The following CPEB3 variants were observed in gnomAD, a reference collection of about 807,000 sequenced individuals.
CPEB3 encodes the protein cytoplasmic polyadenylation element binding protein 3.
Under a neutral mutation model 67.2 loss-of-function variants are expected in CPEB3, and 20 were observed. That is an observed-to-expected ratio of 0.30 (90% CI 0.21 to 0.43). The LOEUF (loss-of-function observed/expected upper bound fraction) is 0.43. CPEB3 is among the 20% of genes least tolerant of loss of function. The probability of loss-of-function intolerance (pLI) is 1.00; values close to 1 mark genes in which losing one functional copy is unlikely to be tolerated. For synonymous variants in CPEB3, 376 were observed against 393.1 expected, an observed-to-expected ratio of 0.96 and a Z score of 0.51; for missense variants, 746 against 968.6, an observed-to-expected ratio of 0.77 and a Z score of 3.05.
intron 2 of CPEB3, among the ~76,000 whole-genome samples, chr10:92,216,992 T>C (rs995205926): frequency 1.2e-4 from 17 of 144,978 alleles, no homozygotes; most frequent in Admixed American, 4.9e-4. Context: ...CCTGTAGAAC[T>C]AAAGGCTGTT....
At chr10:92,097,190 C>T (rs918083305) in intron 7 of CPEB3, among the ~76,000 whole-genome samples, 13 of 152,138 alleles carry the variant, frequency 8.5e-5, no homozygotes, top group African/African-American at 3.1e-4. Context: ...TTCCATTTTT[C>T]AAGAGTGGCT....
chr10:92,093,725 C>T (rs959414656), intron 7 of CPEB3, among the ~76,000 whole-genome samples: 1 of 152,062 alleles, frequency 6.6e-6, no homozygotes, highest in Non-Finnish European at 1.5e-5. Flanking sequence ...TGGTCTCAAA[C>T]TCTTGACCTG....
At position 92,240,155 on chromosome 10, in the gene CPEB3, TGGGGGCCGG is replaced by T. The variant is rs1258009906; in HGVS notation, c.187_195del (p.Pro63_Pro65del). The T allele has an allele frequency of 6.4e-7, 1 of 1,556,298 alleles. No individual in the cohort carries two copies. The highest frequency in any genetic ancestry group is 8.7e-7 in the Non-Finnish European group (1 of 1,149,584). On this transcript the variant is annotated inframe_deletion, in exon 2 of 10. Transcript: ENST00000265997. ...TCCATCTGCATCTTGTCCGGGCCGT[TGGGGGCCGG>T]GGGGGCAGCGGCTGGGCTGAGGGCC...
intron 1 of CPEB3, among the ~76,000 whole-genome samples, chr10:92,265,242 C>A (rs115431127): frequency 1.2e-4 from 19 of 152,194 alleles, no homozygotes; most frequent in African/African-American, 4.6e-4. Context: ...GTTGTTGGGC[C>A]TTTTACCTTT....
chr10:92,080,035 C>T (rs1230637501), intron 9 of CPEB3, among the ~76,000 whole-genome samples: 1 of 150,406 alleles, frequency 6.6e-6, no homozygotes, highest in African/African-American at 2.4e-5. Flanking sequence ...CCCGTCTCTA[C>T]TAAAAATACA....
chr10:92,244,561 C>T (rs1355831500), intron 1 of CPEB3, among the ~76,000 whole-genome samples: 3 of 151,466 alleles, frequency 2.0e-5, no homozygotes, highest in Admixed American at 6.6e-5. Context: ...CCTCAGCCTC[C>T]CAAGTAGCTG....
intron 2 of CPEB3, among the ~76,000 whole-genome samples, chr10:92,205,441 G>C (rs888593694): frequency 1.4e-4 from 21 of 146,542 alleles, no homozygotes; most frequent in Non-Finnish European, 2.6e-4. Flanking sequence ...TTTTTTTACA[G>C]ATGAGGAAAC....
chr10:92,212,917 T>C (rs1850166334), intron 2 of CPEB3, among the ~76,000 whole-genome samples: 1 of 152,070 alleles, frequency 6.6e-6, no homozygotes, highest in Non-Finnish European at 1.5e-5. Flanking sequence ...AAAAAATAAA[T>C]AAAATTTAAA....
Position 92,289,732 on chromosome 10 carries a change from A to AAAAAAAAAAT in CPEB3, c.-12+1193_-12+1194insATTTTTTTTT. Among the ~76,000 whole-genome samples, 42 of 75,762 alleles carry AAAAAAAAAAT rather than the reference A, an allele frequency of 5.5e-4. 4 individuals carry two copies. Among genetic ancestry groups the AAAAAAAAAAT allele is most frequent in the Non-Finnish European group, 8.4e-4 (33 of 39,092 alleles). The allele number at this position is 75,762 out of a possible 152,430, so 49.7% of individuals were successfully genotyped here. A position where few individuals can be genotyped will look rare whatever the true frequency, so the allele number is the denominator to read the frequency against. ...CGCGTCTCTACCAAAAAAAAAAAAA[A>AAAAAAAAAAT]ATATATATATATATATATATATATA... On this transcript the variant is annotated intron_variant, in intron 1 of 9. Coordinates refer to ENST00000265997, the MANE Select transcript of CPEB3 (RefSeq NM_014912.5).
In CPEB3 at chr10:92,098,160, T is replaced by TAAA. The variant is rs1166249584; in HGVS notation, c.1573-6219_1573-6217dup. ...TGGGCAACAAGAGTGACACTCTGCC[T>TAAA]AAAAAAAAAAAAAAAAAAAAAAAAA... is the stretch of plus-strand genomic sequence containing the variant. On this transcript the variant is annotated intron_variant, in intron 7 of 9. Transcript: ENST00000265997. Among the ~76,000 whole-genome samples, 73 of 36,126 alleles carry TAAA rather than the reference T, an allele frequency of 2.0e-3. 11 individuals are homozygous for TAAA. The highest frequency in any genetic ancestry group is 4.6e-3 in the South Asian group (2 of 438). The allele number at this position is 36,126 out of a possible 152,430, so 23.7% of individuals were successfully genotyped here.
intron 9 of CPEB3, among the ~76,000 whole-genome samples, chr10:92,073,577 T>C (rs926310145): frequency 4.6e-5 from 7 of 152,086 alleles, no homozygotes; most frequent in African/African-American, 1.7e-4. Context: ...TAGCTAGGAC[T>C]ACTGGCATGT....
At chr10:92,232,567 G>C (rs192586670) in intron 2 of CPEB3, among the ~76,000 whole-genome samples, 1,569 of 150,990 alleles carry the variant, frequency 0.01, 18 homozygotes, top group African/African-American at 0.036. Flanking sequence ...GACCAGCCTG[G>C]CCAACATAGT....
intron 6 of CPEB3, among the ~76,000 whole-genome samples, chr10:92,129,643 G>T (rs958064029): frequency 4.0e-5 from 6 of 151,886 alleles, no homozygotes; most frequent in African/African-American, 1.5e-4. Flanking sequence ...GAAAATACTG[G>T]GATCATATAA....
rs1408690840 is a variant in CPEB3 at position 92,239,368 on chromosome 10, C to G, written c.983G>C (p.Gly328Ala). Residue 328 changes from glycine to alanine, a missense_variant, in exon 2 of 10, where the codon GGT (glycine) becomes GCT (alanine). Coordinates refer to ENST00000265997, the MANE Select transcript of CPEB3 (RefSeq NM_014912.5). This position sits in a 1 kb window ranked among gnomAD's most constrained non-coding sequence, Gnocchi z 6.0. ...TACCTGAAATGGCAACAGATTGTTA[C>G]CATTATCGGTCCGGAAAGCGTTATC... ...MEDNAFRTDN[G>A]NNLLPFQDRS... 1 of 1,606,368 alleles carries G rather than the reference C, an allele frequency of 6.2e-7. No individual in the cohort carries two copies. The highest frequency in any genetic ancestry group is 1.3e-5 in the African/African-American group (1 of 74,810).
chr10:92,157,167 C>G (rs1281042011), intron 4 of CPEB3, among the ~76,000 whole-genome samples: 1 of 152,178 alleles, frequency 6.6e-6, no homozygotes, highest in African/African-American at 2.4e-5. Flanking sequence ...TTGTGGAATA[C>G]TTTTAATTTA....
Position 92,227,490 on chromosome 10 carries a change from A to G in CPEB3, c.1005+11856T>C, listed in dbSNP as rs190239837. Among the ~76,000 whole-genome samples, 546 of 152,332 alleles carry G rather than the reference A, an allele frequency of 3.6e-3. 2 individuals are homozygous for G. Among genetic ancestry groups the G allele is most frequent in the Non-Finnish European group, 5.7e-3 (386 of 68,026 alleles). ...TTGATCAGGGAATTCCTTAATAGCTATATGGGTAACAAAAATACTACCTAA... is the reference window on the plus strand; with the variant it reads ...TTGATCAGGGAATTCCTTAATAGCTGTATGGGTAACAAAAATACTACCTAA... On this transcript the variant is annotated intron_variant, in intron 2 of 9. Coordinates refer to ENST00000265997, the MANE Select transcript of CPEB3 (RefSeq NM_014912.5).
At chr10:92,056,483 T>C (rs1842116666) in intron 9 of CPEB3, among the ~76,000 whole-genome samples, 2 of 152,134 alleles carry the variant, frequency 1.3e-5, no homozygotes. Flanking sequence ...TTCATATTGC[T>C]GAAAGAAGCA....
chr10:92,103,146 AG>A (rs1764254715), intron 7 of CPEB3, among the ~76,000 whole-genome samples: 1 of 152,186 alleles, frequency 6.6e-6, no homozygotes, highest in African/African-American at 2.4e-5. Context: ...GTAGGAAAAT[AG>A]GGTATATTTT....
intron 4 of CPEB3, among the ~76,000 whole-genome samples, chr10:92,178,919 T>C (rs1380318843): frequency 1.3e-5 from 2 of 152,060 alleles, no homozygotes; most frequent in Non-Finnish European, 2.9e-5. Flanking sequence ...AAACTGATGG[T>C]AGGTAATGTA....
Sources: allele counts gnomAD v4.1 joint callset (sites outside exome capture counted in the v4.1 genomes callset), GRCh38; gene constraint gnomAD v4.1.1; non-coding constraint Gnocchi (gnomAD v3.1); transcripts MANE v1.5; gene names NCBI Gene and HGNC (gene_info 2026-07-23, HGNC 2026-07-21).